Variants in EYS observed in about 807,000 individuals in gnomAD.
EYS encodes the protein EGF-like photoreceptor maintenance factor.
In EYS, 250 loss-of-function variants were observed where a neutral mutation model predicts 282.1. The observed-to-expected ratio is 0.89, with a 90% CI of 0.80 to 0.98. EYS has a LOEUF of 0.98. Among genes scored for constraint, EYS ranks in the 50% least tolerant of loss-of-function variants. The probability of loss-of-function intolerance (pLI) is 0.00; values close to 1 mark genes in which losing one functional copy is unlikely to be tolerated. For synonymous variants in EYS, 1,355 were observed against 1,282.9 expected, an observed-to-expected ratio of 1.06 and a Z score of -1.20; for missense variants, 4,016 against 3,709.0, an observed-to-expected ratio of 1.08 and a Z score of -2.15.
intron 2 of EYS, among the ~76,000 whole-genome samples, chr6:65,589,784 C>G (rs1272399972): frequency 6.6e-6 from 1 of 151,790 alleles, no homozygotes; most frequent in African/African-American, 2.4e-5. Flanking sequence ...TTACCATTTT[C>G]CTGACATTTC....
intron 12 of EYS, among the ~76,000 whole-genome samples, chr6:65,080,038 G>T (rs1774184713): frequency 6.6e-6 from 1 of 152,116 alleles, no homozygotes; most frequent in African/African-American, 2.4e-5. Flanking sequence ...TGGAACCAGT[G>T]AAGAGTCAAA....
At chr6:64,254,088 T>C (rs966546809) in intron 30 of EYS, among the ~76,000 whole-genome samples, 2 of 152,092 alleles carry the variant, frequency 1.3e-5, no homozygotes, top group African/African-American at 2.4e-5. Context: ...GGTGGCAGAT[T>C]GTTGTTCTGC....
intron 8 of EYS, among the ~76,000 whole-genome samples, chr6:65,358,615 TGTGTGTG>T (rs1445704029): frequency 2.0e-5 from 3 of 150,972 alleles, no homozygotes; most frequent in Non-Finnish European, 3.0e-5. Context: ...TGTGTGTGTG[TGTGTGTG>T]TGTGTGTGTG....
intron 15 of EYS, among the ~76,000 whole-genome samples, chr6:64,943,246 T>A (rs552199563): frequency 1.9e-4 from 29 of 152,056 alleles, no homozygotes; most frequent in African/African-American, 7.0e-4. Flanking sequence ...ACAGCCAACA[T>A]CATACTAAAT....
At chr6:64,218,773 G>A (rs887123493) in intron 31 of EYS, among the ~76,000 whole-genome samples, 12 of 152,068 alleles carry the variant, frequency 7.9e-5, no homozygotes, top group South Asian at 4.1e-4. Context: ...TGGAGTAGCC[G>A]GCAAAGTTAT....
chr6:64,418,747 A>C (rs73455408), intron 28 of EYS, among the ~76,000 whole-genome samples: 3 of 151,926 alleles, frequency 2.0e-5, no homozygotes, highest in African/African-American at 7.3e-5. Context: ...CAATTGGAAT[A>C]TATGACTATA....
intron 33 of EYS, among the ~76,000 whole-genome samples, chr6:64,044,164 A>G (rs1399889765): frequency 6.6e-6 from 1 of 152,198 alleles, no homozygotes; most frequent in African/African-American, 2.4e-5. Flanking sequence ...CAAAAAATTT[A>G]CTTCCTTTTT....
intron 22 of EYS, among the ~76,000 whole-genome samples, chr6:64,729,491 A>G (rs1771883429): frequency 6.6e-6 from 1 of 152,166 alleles, no homozygotes; most frequent in South Asian, 2.1e-4. Context: ...CATAAAAAGG[A>G]TATGTCTCAG....
At chr6:64,366,494 T>C (rs1772184414) in intron 29 of EYS, among the ~76,000 whole-genome samples, 1 of 152,066 alleles carries the variant, frequency 6.6e-6, no homozygotes, top group Admixed American at 6.6e-5. Flanking sequence ...TTTAAAAAAT[T>C]TGTCATTTTA....
chr6:65,083,323 A>G (rs1197419295), intron 12 of EYS, among the ~76,000 whole-genome samples: 1 of 151,996 alleles, frequency 6.6e-6, no homozygotes, highest in Non-Finnish European at 1.5e-5. Context: ...AAATTTAAAC[A>G]GTGTATTTTT....
intron 36 of EYS, among the ~76,000 whole-genome samples, chr6:63,820,451 T>A (rs1489991051): frequency 6.6e-6 from 1 of 152,276 alleles, no homozygotes; most frequent in East Asian, 1.9e-4. Flanking sequence ...TCAATAGTTT[T>A]AAAAAAATTG....
chr6:64,038,397 T>C (rs1268417219), intron 33 of EYS, among the ~76,000 whole-genome samples: 3 of 152,176 alleles, frequency 2.0e-5, no homozygotes, highest in Admixed American at 6.5e-5. Context: ...ATAATGTATG[T>C]GTACTTCAAG....
At chr6:64,182,037 T>G (rs907715878) in intron 31 of EYS, among the ~76,000 whole-genome samples, 2 of 152,172 alleles carry the variant, frequency 1.3e-5, no homozygotes, top group Non-Finnish European at 2.9e-5. Context: ...TCCTTCAGTA[T>G]TAAATATTCA....
intron 12 of EYS, among the ~76,000 whole-genome samples, chr6:65,113,052 C>A (rs572666819): frequency 1.3e-5 from 2 of 152,088 alleles, no homozygotes; most frequent in South Asian, 4.1e-4. Context: ...CATAATATAA[C>A]TCTCACATTA....
At chr6:65,655,542 A>C (rs1412143194) in intron 1 of EYS, among the ~76,000 whole-genome samples, 1 of 151,824 alleles carries the variant, frequency 6.6e-6, no homozygotes, top group African/African-American at 2.4e-5. Flanking sequence ...ATATCTAGCC[A>C]TGAGAAAAAC....
intron 13 of EYS, among the ~76,000 whole-genome samples, chr6:65,009,235 G>C (rs1561918609): frequency 6.6e-6 from 1 of 151,968 alleles, no homozygotes; most frequent in African/African-American, 2.4e-5. Context: ...TTAGACCTGA[G>C]GCCCAACAAG....
chr6:64,990,581 C>A (rs998461431), intron 14 of EYS, among the ~76,000 whole-genome samples: 3 of 151,576 alleles, frequency 2.0e-5, no homozygotes, highest in Admixed American at 6.6e-5. Flanking sequence ...AGTTCTAAAT[C>A]ATTTTTTAAG....
chr6:64,846,015 A>T (rs1765703449), intron 19 of EYS, among the ~76,000 whole-genome samples: 1 of 147,016 alleles, frequency 6.8e-6, no homozygotes, highest in African/African-American at 2.7e-5. Context: ...TCAACTTAAC[A>T]TATGTTTCCA....
intron 29 of EYS, among the ~76,000 whole-genome samples, chr6:64,383,378 G>T (rs1359708675): frequency 1.3e-5 from 2 of 152,160 alleles, no homozygotes; most frequent in Admixed American, 1.3e-4. Context: ...ATTCTTATAC[G>T]TGCAAGGAAT....
Sources: allele counts gnomAD v4.1 joint callset (sites outside exome capture counted in the v4.1 genomes callset), GRCh38; gene constraint gnomAD v4.1.1; transcripts MANE v1.5; gene names NCBI Gene and HGNC (gene_info 2026-07-23, HGNC 2026-07-21).